ATP2C2: variants seen among roughly 807,000 people sequenced by gnomAD.
ATP2C2 encodes ATPase secretory pathway Ca2+ transporting 2.
ATP2C2 carries 171 observed loss-of-function variants against 110.8 expected under a neutral mutation model. The ratio of observed to expected loss-of-function variants is 1.54; its 90% CI spans 1.36 to 1.75. The LOEUF (loss-of-function observed/expected upper bound fraction) is 1.75. ATP2C2 is among the 40% of genes most tolerant of loss of function. The pLI is 0.00. For missense variants in ATP2C2, 1,963 were observed against 1,235.0 expected (o/e 1.59, Z -8.84); for synonymous variants, 804 against 508.4 (o/e 1.58, Z -7.82).
At chr16:84,432,203 C>T (rs1378447007) in intron 11 of ATP2C2, among the ~76,000 whole-genome samples, 2 of 152,186 alleles carry the variant, frequency 1.3e-5, no homozygotes, top group South Asian at 2.1e-4. Flanking sequence ...GATTTTCATG[C>T]ACCCATCACC....
intron 11 of ATP2C2, among the ~76,000 whole-genome samples, chr16:84,430,342 G>A (rs566291064): frequency 6.6e-6 from 1 of 152,140 alleles, no homozygotes; most frequent in African/African-American, 2.4e-5. Context: ...CAGGTGGACA[G>A]AGTAAAGTCA....
chr16:84,410,912 G>T (rs879214437), intron 6 of ATP2C2, 147 bp downstream of exon 6: 9 of 752,036 alleles, frequency 1.2e-5, no homozygotes, highest in Non-Finnish European at 1.8e-5. Context: ...CCTGGTCTCC[G>T]CCTGCCAATA....
In ATP2C2 at chr16:84,375,126, T is replaced by G. The variant is rs959115103; in HGVS notation, c.99+6412T>G. ...TTAAAAAATGGCCATGAGTAGAGGT[T>G]TGTTTACAGATATTCTGGGATATCT... On this transcript the variant is annotated intron_variant, in intron 1 of 26. Transcript: ENST00000262429. Among the ~76,000 whole-genome samples, 50 of 152,340 alleles carry G rather than the reference T, an allele frequency of 3.3e-4. 1 individual carries two copies. The highest frequency in any genetic ancestry group is 1.1e-3 in the African/African-American group (47 of 41,570).
rs1308142220 is a variant in ATP2C2, at chr16:84,436,848, C to T, written c.987-2318C>T. ...CACCATCTCAGCTCACCACAACCTC[C>T]ACCTCCCAGGTTCAAGCGATTCTCC... On this transcript the variant is annotated intron_variant, in intron 11 of 26. Transcript: ENST00000262429. 5.9e-5 allele frequency among the ~76,000 whole-genome samples: 9 copies of T among 151,742 alleles called. No homozygotes were observed. The South Asian group carries it at 1.7e-3, about 28-fold the overall frequency.
intron 11 of ATP2C2, among the ~76,000 whole-genome samples, chr16:84,435,863 T>G (rs1908692752): frequency 6.7e-6 from 1 of 149,524 alleles, no homozygotes; most frequent in African/African-American, 2.5e-5. Flanking sequence ...GCACAGAGGA[T>G]CACGCCTGTG....
chr16:84,449,832 G>C (rs888706885), intron 17 of ATP2C2, among the ~76,000 whole-genome samples: 4 of 152,218 alleles, frequency 2.6e-5, no homozygotes, highest in African/African-American at 9.6e-5. Context: ...CTGACGAAAT[G>C]GCTCACTTAA....
chr16:84,441,611 G>C (rs755030789), intron 14 of ATP2C2, among the ~76,000 whole-genome samples: 16 of 152,108 alleles, frequency 1.1e-4, no homozygotes, highest in African/African-American at 2.7e-4. Context: ...ACGCTGTCTT[G>C]GTTTTGCAGA....
At chr16:84,407,937 A>C (rs1276880716) in intron 3 of ATP2C2, among the ~76,000 whole-genome samples, 1 of 152,234 alleles carries the variant, frequency 6.6e-6, no homozygotes, top group Non-Finnish European at 1.5e-5. Flanking sequence ...CTTCTCAGGA[A>C]GTTTTGGGAA....
intron 17 of ATP2C2, among the ~76,000 whole-genome samples, chr16:84,451,133 G>A (rs1373892742): frequency 6.6e-6 from 1 of 152,172 alleles, no homozygotes; most frequent in African/African-American, 2.4e-5. Flanking sequence ...CATGGCAGAA[G>A]GTGAAAGGCA....
chr16:84,450,061 G>A (rs753249059), intron 17 of ATP2C2, among the ~76,000 whole-genome samples: 8 of 152,374 alleles, frequency 5.3e-5, no homozygotes, highest in Non-Finnish European at 1.0e-4. Context: ...GTAATGACGC[G>A]TTCCAGGGAC....
rs751842202 is a variant in ATP2C2, at chr16:84,463,702, G to A, written c.2811G>A (p.Lys937=). ...GTGAAAAATACTGTTGCAGCCCCAAGAGAGTCCAGATGCACCCTGAAGATG... is the reference window on the plus strand; with the variant it reads ...GTGAAAAATACTGTTGCAGCCCCAAAAGAGTCCAGATGCACCCTGAAGATG... ...KLCEKYCCSP[K]RVQMHPEDV The change falls in exon 27 of 27, where the codon AAG becomes AAA. Residue 937 remains lysine, a synonymous_variant. Transcript: ENST00000262429. 1 of 1,614,106 alleles carries A rather than the reference G, an allele frequency of 6.2e-7. No individual in the cohort carries two copies. The highest frequency in any genetic ancestry group is 8.5e-7 in the Non-Finnish European group (1 of 1,179,962).
At chr16:84,415,284 A>C (rs1372421817) in intron 6 of ATP2C2, among the ~76,000 whole-genome samples, 199 bp from the exon 7 acceptor site, 1 of 152,204 alleles carries the variant, frequency 6.6e-6, no homozygotes, top group African/African-American at 2.4e-5. Flanking sequence ...GATGTGGCCC[A>C]GGGATGCCCA....
intron 14 of ATP2C2, among the ~76,000 whole-genome samples, chr16:84,441,989 T>A (rs1362474251): frequency 6.6e-6 from 1 of 151,700 alleles, no homozygotes; most frequent in Non-Finnish European, 1.5e-5. Flanking sequence ...AGAAAAGAAA[T>A]GGGCAGAGAA....
intron 1 of ATP2C2, among the ~76,000 whole-genome samples, chr16:84,391,132 A>AAAGAAG (rs1009928629): frequency 1.3e-5 from 2 of 149,492 alleles, no homozygotes; most frequent in African/African-American, 5.0e-5. Flanking sequence ...AAAAAAAAAA[A>AAAGAAG]AAGAAGAAGA....
Position 84,463,897 on chromosome 16 carries a change from AC to A in ATP2C2, c.*168del. ...TGCAGGAACCTCGTGGGCTCCAGGG[AC>A]CCAGGCCCACATCCATCCAGCGTTC... On this transcript the variant is annotated 3_prime_UTR_variant, in exon 27 of 27. Coordinates refer to ENST00000262429, the MANE Select transcript of ATP2C2 (RefSeq NM_014861.4). 1.6e-6 allele frequency: 1 copy of A among 636,780 alleles called. No individual in the cohort carries two copies. Among genetic ancestry groups the A allele is most frequent in the Non-Finnish European group, 2.8e-6 (1 of 363,040 alleles). 39.4% of individuals were successfully genotyped at this position (636,780 alleles called of 1,614,324 possible).
rs778060303 is a variant in ATP2C2, at chr16:84,453,254, G to A, written c.1929+19G>A. ...GGGGAAGGTGGGTCCCCGGAGGCTT[G>A]GCTGGCAGTGGGGCTGGGTCACAGC... On this transcript the variant is annotated intron_variant, in intron 19 of 26. Coordinates refer to ENST00000262429, the MANE Select transcript of ATP2C2 (RefSeq NM_014861.4). The A allele has an allele frequency of 1.2e-6, 2 of 1,614,018 alleles. No homozygotes were observed. Among genetic ancestry groups the A allele is most frequent in the Non-Finnish European group, 1.7e-6 (2 of 1,179,910 alleles).
intron 1 of ATP2C2, among the ~76,000 whole-genome samples, chr16:84,385,594 G>T (rs898490962): frequency 3.3e-5 from 5 of 152,212 alleles, no homozygotes; most frequent in African/African-American, 4.8e-5. Context: ...CTGCTATGAA[G>T]AAATATCTGA....
intron 11 of ATP2C2, among the ~76,000 whole-genome samples, chr16:84,438,304 G>A (rs1457281973): frequency 1.3e-5 from 2 of 152,182 alleles, no homozygotes; most frequent in Non-Finnish European, 1.5e-5. Flanking sequence ...GCCCACCCCT[G>A]GCTATGTCAA....
intron 1 of ATP2C2, among the ~76,000 whole-genome samples, chr16:84,370,457 A>C (rs949238890): frequency 6.6e-6 from 1 of 152,146 alleles, no homozygotes; most frequent in Non-Finnish European, 1.5e-5. Flanking sequence ...GTGCAAACCC[A>C]GGAAATGGCA....
Sources: allele counts gnomAD v4.1 joint callset (sites outside exome capture counted in the v4.1 genomes callset), GRCh38; gene constraint gnomAD v4.1.1; transcripts MANE v1.5; gene names NCBI Gene and HGNC (gene_info 2026-07-23, HGNC 2026-07-21).